Variants in NALCN observed in about 807,000 individuals in gnomAD.
NALCN encodes the protein sodium leak channel NALCN.
NALCN carries 111 observed loss-of-function variants against 225.3 expected under a neutral mutation model. The observed-to-expected ratio is 0.49, with a 90% CI of 0.42 to 0.58. The LOEUF (loss-of-function observed/expected upper bound fraction) is 0.58, where lower values mean the gene tolerates loss of function less well. Ranked by LOEUF, NALCN falls within the 20% of genes least tolerant of loss-of-function variation. The pLI is 0.00. For missense variants in NALCN, 1,378 were observed against 2,202.4 expected (o/e 0.63, Z 7.49); for synonymous variants, 764 against 769.0 (o/e 0.99, Z 0.11).
chr13:101,400,580 T>TGTGTGTGTGC (rs1447560398), intron 1 of NALCN, among the ~76,000 whole-genome samples: 16 of 135,664 alleles, frequency 1.2e-4, no homozygotes, highest in African/African-American at 1.9e-4. Flanking sequence ...TGTGTGTGTG[T>TGTGTGTGTGC]GCACGTGTGT....
At position 101,081,517 on chromosome 13, in the gene NALCN, C is replaced by G. The variant is rs1224321992; in HGVS notation, c.3885+10G>C. On this transcript the variant is annotated intron_variant, in intron 34 of 43. Coordinates refer to ENST00000251127, the MANE Select transcript of NALCN (RefSeq NM_052867.4). Reference sequence around the variant, plus strand: ...TAATCAGCTGAAATCAACTTGACTTCTATGCTTACCAGGAGGGCAAAGTGA... The same window carrying G: ...TAATCAGCTGAAATCAACTTGACTTGTATGCTTACCAGGAGGGCAAAGTGA... The G allele has an allele frequency of 4.3e-6, 7 of 1,613,942 alleles. No individual in the cohort carries two copies. Among genetic ancestry groups the G allele is most frequent in the Non-Finnish European group, 5.9e-6 (7 of 1,179,962 alleles).
At chr13:101,138,987 G>A (rs1272069857) in intron 17 of NALCN, among the ~76,000 whole-genome samples, 7 of 152,106 alleles carry the variant, frequency 4.6e-5, no homozygotes, top group African/African-American at 1.7e-4. Flanking sequence ...AAAGGGATGG[G>A]GAAATGACCA....
intron 7 of NALCN, among the ~76,000 whole-genome samples, chr13:101,337,487 C>T (rs140729566): frequency 0.032 from 4,808 of 151,662 alleles, 263 homozygotes; most frequent in African/African-American, 0.11. Flanking sequence ...TTTTGTATTT[C>T]TGTAGAGACA....
chr13:101,094,875 C>A (rs1405127646), intron 28 of NALCN, among the ~76,000 whole-genome samples: 1 of 152,066 alleles, frequency 6.6e-6, no homozygotes, highest in Admixed American at 6.6e-5. Flanking sequence ...AGTTGTTATT[C>A]TTACACATTT....
chr13:101,144,949 A>G (rs1398418800), intron 15 of NALCN, 53 bp from the exon 16 acceptor site: 1 of 1,530,240 alleles, frequency 6.5e-7, no homozygotes, highest in Non-Finnish European at 8.7e-7. Context: ...ATACTATTAT[A>G]TACGTTACAC....
chr13:101,355,697 A>G, intron 6 of NALCN, among the ~76,000 whole-genome samples: 1 of 152,174 alleles, frequency 6.6e-6, no homozygotes, highest in African/African-American at 2.4e-5. Context: ...GATCAAGTGG[A>G]CCTAATGGAC....
intron 9 of NALCN, among the ~76,000 whole-genome samples, chr13:101,284,348 T>C (rs1043149973): frequency 5.9e-5 from 9 of 152,228 alleles, no homozygotes; most frequent in Non-Finnish European, 8.8e-5. Context: ...TAAATATCTA[T>C]TAGATCTGGG....
chr13:101,172,888 A>T (rs922224642), intron 15 of NALCN, among the ~76,000 whole-genome samples: 30 of 152,028 alleles, frequency 2.0e-4, no homozygotes, highest in African/African-American at 6.7e-4. Flanking sequence ...TTTAGAGCGA[A>T]CAGGCCCTGG....
chr13:101,199,141 G>A (rs539064048), intron 13 of NALCN, among the ~76,000 whole-genome samples: 45 of 151,910 alleles, frequency 3.0e-4, no homozygotes, highest in African/African-American at 1.0e-3. Flanking sequence ...GCCTGTTGTG[G>A]GGTGGGGGGA....
intron 11 of NALCN, among the ~76,000 whole-genome samples, chr13:101,254,921 T>C (rs929717679): frequency 7.0e-6 from 1 of 143,776 alleles, no homozygotes; most frequent in Non-Finnish European, 1.5e-5. Flanking sequence ...AAAGAATGAA[T>C]GACATGTTAA....
chr13:101,310,223 C>T (rs551255551), intron 7 of NALCN, among the ~76,000 whole-genome samples: 5 of 152,310 alleles, frequency 3.3e-5, no homozygotes, highest in Middle Eastern at 3.4e-3. Context: ...ACTCAAAATG[C>T]TCCACGGGCT....
At chr13:101,283,863 G>T in intron 10 of NALCN, 70 bp downstream of exon 10, 1 of 1,321,952 alleles carries the variant, frequency 7.6e-7, no homozygotes, top group Non-Finnish European at 1.0e-6. Flanking sequence ...AAGAGCTGTG[G>T]ATTTTCTTGG....
Position 101,269,211 on chromosome 13 carries a change from C to CATATATATATAT in NALCN, c.1135-10649_1135-10638dup, listed in dbSNP as rs60240326. 4.1e-5 allele frequency among the ~76,000 whole-genome samples: 6 copies of CATATATATATAT among 145,520 alleles called. No individual in the cohort carries two copies. In the South Asian group the frequency reaches 6.7e-4, roughly 16 times the overall value. Reference sequence around the variant, plus strand: ...GTGTCCAGAAAGAGTAGAAAAAGCTCATATATATATATATATATATATATA... The same window carrying CATATATATATAT: ...GTGTCCAGAAAGAGTAGAAAAAGCTCATATATATATATATATATATATATATATATATATATA... On this transcript the variant is annotated intron_variant, in intron 10 of 43. Transcript: ENST00000251127.
intron 15 of NALCN, among the ~76,000 whole-genome samples, chr13:101,146,346 A>C (rs572777723): frequency 2.1e-4 from 32 of 152,344 alleles, no homozygotes; most frequent in African/African-American, 7.7e-4. Flanking sequence ...TGGAGTGCTC[A>C]ACGCAGTAAT....
chr13:101,328,399 C>T (rs552298473), intron 7 of NALCN, among the ~76,000 whole-genome samples: 95 of 152,130 alleles, frequency 6.2e-4, no homozygotes, highest in Middle Eastern at 3.4e-3. Flanking sequence ...GCAACCTCTG[C>T]TTCCCAGGCT....
At chr13:101,340,165 G>A (rs777713958) in intron 7 of NALCN, among the ~76,000 whole-genome samples, 1 of 152,054 alleles carries the variant, frequency 6.6e-6, no homozygotes, top group Non-Finnish European at 1.5e-5. Context: ...CTAACTGGGA[G>A]GCAGAGGCAG....
intron 40 of NALCN, 105 bp from the exon 41 acceptor site, chr13:101,062,223 A>C: frequency 2.2e-6 from 3 of 1,383,390 alleles, no homozygotes; most frequent in Non-Finnish European, 2.9e-6. Flanking sequence ...TAATAAGTCT[A>C]GTGTTTTGAC....
intron 11 of NALCN, among the ~76,000 whole-genome samples, chr13:101,255,384 C>A (rs1456174825): frequency 2.6e-5 from 4 of 152,220 alleles, no homozygotes; most frequent in Non-Finnish European, 4.4e-5. Flanking sequence ...CCCTTCCCTG[C>A]TGTTGCCAGT....
In NALCN at chr13:101,312,463, T is replaced by A. The variant is rs2044382621; in HGVS notation, c.800-20097A>T. Among the ~76,000 whole-genome samples, 4 of 151,886 alleles carry A rather than the reference T, an allele frequency of 2.6e-5. No individual in the cohort carries two copies. In the South Asian group the frequency reaches 6.2e-4, roughly 24 times the overall value. The stretch of plus-strand genomic sequence containing the variant: ...TTTAATTGTGATGTTAGGGTGTCAA[T>A]TTTGGATCTTTCCTGCTTTCTCTTG... On this transcript the variant is annotated intron_variant, in intron 7 of 43. Coordinates refer to ENST00000251127, the MANE Select transcript of NALCN (RefSeq NM_052867.4).
Sources: gnomAD v4.1 joint callset for allele counts (sites outside exome capture counted in the v4.1 genomes callset) on GRCh38, gnomAD v4.1.1 for gene constraint, MANE v1.5 for transcripts, NCBI Gene and HGNC (gene_info 2026-07-23, HGNC 2026-07-21) for gene names.